The following MEF2C variants were observed in gnomAD, a reference collection of about 807,000 sequenced individuals.
The protein encoded by MEF2C is myocyte enhancer factor 2C, also known as myocyte-specific enhancer factor 2C.
Under a neutral mutation model 50.5 loss-of-function variants are expected in MEF2C, and 6 were observed. The ratio of observed to expected loss-of-function variants is 0.12; its 90% CI spans 0.07 to 0.23. The LOEUF is 0.23. Ranked by LOEUF, MEF2C falls within the 10% of genes least tolerant of loss-of-function variation. MEF2C has a pLI of 1.00. For missense variants in MEF2C, 276 were observed against 605.0 expected (o/e 0.46, Z 5.70); for synonymous variants, 183 against 228.0 (o/e 0.80, Z 1.78).
Position 88,804,603 on chromosome 5 carries a change from C to T in MEF2C, c.253G>A (p.Val85Met). The T allele has an allele frequency of 3.7e-6, 6 of 1,613,798 alleles. No homozygotes were observed. Among genetic ancestry groups the T allele is most frequent in the Non-Finnish European group, 5.1e-6 (6 of 1,179,906 alleles). The part of the protein sequence containing the change: ...PHESRTNSDI[V>M]ETLRKKGLNG... ...CACCACGCATGCTCTCTCACCTCCA[C>T]GATGTCTGAGTTTGTCCGGCTCTCA... Residue 85 changes from valine to methionine, a missense_variant, in exon 3 of 11, where the codon GTG becomes ATG. Physicochemically the swap from Val to Met is conservative, Grantham distance 21. Around this residue, in one of 2 missense-constraint regions of MEF2C, gnomAD observed 20 missense variants for 136.9 expected, o/e 0.15. Coordinates refer to ENST00000504921, the MANE Select transcript of MEF2C (RefSeq NM_002397.5).
chr5:88,791,329 G>A (rs1261129662), intron 3 of MEF2C, among the ~76,000 whole-genome samples: 2 of 152,084 alleles, frequency 1.3e-5, no homozygotes, highest in African/African-American at 4.8e-5. Context: ...TCTAGTTCAG[G>A]AAGGTTCATG....
At chr5:88,735,166 C>T (rs1165925905) in intron 6 of MEF2C, 1 of 985,352 alleles carries the variant, frequency 1.0e-6, no homozygotes. Flanking sequence ...GAAGAGCCTG[C>T]ATTTAAACCG....
chr5:88,748,780 T>G, intron 6 of MEF2C: 1 of 985,180 alleles, frequency 1.0e-6, no homozygotes, highest in Non-Finnish European at 1.2e-6. Context: ...AAGGTACTCT[T>G]GTGTCCAAGG....
rs537600672 is a variant in MEF2C, at chr5:88,766,389, A to G, written c.259-5061T>C. ...ACTGATTTTTCCCTTCTTAAATACT[A>G]TTTTGTTATTTAAAAAATTTTTTCC... On this transcript the variant is annotated intron_variant, in intron 3 of 10. Transcript: ENST00000504921. Among the ~76,000 whole-genome samples, 14 of 152,236 alleles carry G rather than the reference A, an allele frequency of 9.2e-5. No individual in the cohort carries two copies. In the East Asian group the frequency reaches 2.1e-3, roughly 23 times the overall value.
chr5:88,754,272 T>C (rs915753391), intron 4 of MEF2C, among the ~76,000 whole-genome samples: 4 of 152,248 alleles, frequency 2.6e-5, no homozygotes, highest in Non-Finnish European at 5.9e-5. Context: ...CCATCTCTTT[T>C]TGAGTTGTTC....
In MEF2C at chr5:88,821,705, A is replaced by T. The variant is rs544542296; in HGVS notation, c.54+2030T>A. ...GTGGGAGCTAAACTTTTTTTTTTTA[A>T]AAATTGAACTCACTGAGATAGAGAG... is the stretch of plus-strand genomic sequence containing the variant. On this transcript the variant is annotated intron_variant, in intron 2 of 10. Transcript: ENST00000504921. Among the ~76,000 whole-genome samples the T allele has an allele frequency of 3.3e-5, 5 of 151,702 alleles. No homozygotes were observed. The East Asian group carries it at 5.9e-4, about 18-fold the overall frequency.
chr5:88,772,825 T>C (rs1782989352), intron 3 of MEF2C: 1 of 985,454 alleles, frequency 1.0e-6, no homozygotes, highest in Non-Finnish European at 1.2e-6. Flanking sequence ...CTGACAGCAA[T>C]GAGCAGGGAG....
At chr5:88,873,969 A>G (rs978536541) in intron 1 of MEF2C, among the ~76,000 whole-genome samples, 2 of 151,906 alleles carry the variant, frequency 1.3e-5, no homozygotes, top group Non-Finnish European at 2.9e-5. Flanking sequence ...AAAGATATTA[A>G]TGTTAACTGT....
intron 3 of MEF2C, chr5:88,782,265 C>T (rs980191221): frequency 8.1e-6 from 5 of 616,944 alleles, no homozygotes; most frequent in African/African-American, 2.0e-5. Flanking sequence ...CCCAGGAATT[C>T]GAACAGCCTG....
intron 2 of MEF2C, among the ~76,000 whole-genome samples, chr5:88,815,776 G>A (rs1805034211): frequency 6.6e-6 from 1 of 151,676 alleles, no homozygotes; most frequent in African/African-American, 2.4e-5. Flanking sequence ...CAGAGGACAT[G>A]GCTTTTGAAA....
chr5:88,743,266 T>A (rs1292026603), intron 6 of MEF2C: 1 of 984,746 alleles, frequency 1.0e-6, no homozygotes, highest in East Asian at 1.1e-4. Flanking sequence ...CAACAAAAAA[T>A]GCAAACTTGT....
chr5:88,738,990 A>C (rs1765281151), intron 6 of MEF2C: 1 of 980,854 alleles, frequency 1.0e-6, no homozygotes, highest in Non-Finnish European at 1.2e-6. Context: ...TGCTTTTAAA[A>C]GTAGATTTTG....
chr5:88,823,707 T>TA, intron 2 of MEF2C, 28 bp downstream of exon 2: 1 of 1,561,512 alleles, frequency 6.4e-7, no homozygotes, highest in Non-Finnish European at 8.8e-7. Flanking sequence ...TAATAAATAA[T>TA]GATACAAAAA....
chr5:88,793,555 G>C (rs923693801), intron 3 of MEF2C, among the ~76,000 whole-genome samples: 2 of 152,104 alleles, frequency 1.3e-5, no homozygotes, highest in African/African-American at 4.8e-5. Flanking sequence ...AGGAAAATCT[G>C]CAAATGATTA....
At chr5:88,746,643 C>T in intron 6 of MEF2C, 1 of 985,390 alleles carries the variant, frequency 1.0e-6, no homozygotes, top group African/African-American at 1.7e-5. Flanking sequence ...GAAAATGTAG[C>T]AACATTCTGG....
chr5:88,791,956 A>G (rs1459722725), intron 3 of MEF2C, among the ~76,000 whole-genome samples: 1 of 152,052 alleles, frequency 6.6e-6, no homozygotes, highest in Non-Finnish European at 1.5e-5. Flanking sequence ...AATACCATGT[A>G]TTGAAAAGCA....
intron 6 of MEF2C, chr5:88,736,865 G>A (rs1036038211): frequency 1.3e-5 from 13 of 985,252 alleles, no homozygotes; most frequent in African/African-American, 3.5e-5. Context: ...CTTTGCTCTA[G>A]CAGTTCAATA....
At chr5:88,879,364 A>G (rs984786186) in intron 1 of MEF2C, among the ~76,000 whole-genome samples, 1 of 130,564 alleles carries the variant, frequency 7.7e-6, no homozygotes, top group Admixed American at 8.6e-5. Context: ...TTTATATAAC[A>G]TTCATGAAAT....
At chr5:88,808,572 AC>A (rs1801488796) in intron 2 of MEF2C, among the ~76,000 whole-genome samples, 1 of 152,160 alleles carries the variant, frequency 6.6e-6, no homozygotes, top group Admixed American at 6.5e-5. Context: ...GCAATTTAAA[AC>A]TGCAAACTGA....
Sources: allele counts gnomAD v4.1 joint callset (sites outside exome capture counted in the v4.1 genomes callset), GRCh38; gene constraint gnomAD v4.1.1; regional missense constraint gnomAD v4.1.1; transcripts MANE v1.5; gene names NCBI Gene and HGNC (gene_info 2026-07-23, HGNC 2026-07-21).